SH3GL2: variants seen among roughly 807,000 people sequenced by gnomAD.
SH3GL2 encodes SH3 domain containing GRB2 like 2, endophilin A1.
Under a neutral mutation model 46.0 loss-of-function variants are expected in SH3GL2, and 24 were observed. The observed-to-expected ratio is 0.52, with a 90% CI of 0.38 to 0.73. The LOEUF (loss-of-function observed/expected upper bound fraction) is 0.73, where lower values mean the gene tolerates loss of function less well. Among genes scored for constraint, SH3GL2 ranks in the 30% least tolerant of loss-of-function variants. SH3GL2 has a pLI of 0.00. For synonymous variants in SH3GL2, 196 were observed against 147.1 expected (o/e 1.33, Z -2.40); for missense variants, 413 against 424.2 (o/e 0.97, Z 0.23).
intron 1 of SH3GL2, among the ~76,000 whole-genome samples, chr9:17,670,889 G>A (rs376499087): frequency 2.0e-4 from 30 of 152,286 alleles, no homozygotes; most frequent in African/African-American, 6.0e-4. Flanking sequence ...CAGATTGCTA[G>A]GCCTTGCCCC....
chr9:17,588,143 T>A (rs1300814544), intron 1 of SH3GL2, among the ~76,000 whole-genome samples: 1 of 152,190 alleles, frequency 6.6e-6, no homozygotes, highest in African/African-American at 2.4e-5. Flanking sequence ...CTTCAGGGAC[T>A]CAGGATGACC....
At chr9:17,704,899 C>G (rs535426823) in intron 1 of SH3GL2, among the ~76,000 whole-genome samples, 100 of 152,024 alleles carry the variant, frequency 6.6e-4, no homozygotes, top group African/African-American at 2.2e-3. Flanking sequence ...ACGAAAATGC[C>G]AAAAGTAATT....
intron 1 of SH3GL2, among the ~76,000 whole-genome samples, chr9:17,685,956 C>A (rs1187029804): frequency 3.4e-5 from 5 of 148,932 alleles, no homozygotes; most frequent in African/African-American, 5.0e-5. Context: ...TCTAATTAAA[C>A]TAAAGAGCTT....
chr9:17,579,174 G>T lies in SH3GL2; in HGVS notation c.-69G>T. ...GGCGGCCAGGGGAGCGCGCCGCCCC[G>T]CTCGGCCCTCCAGTCCCCCTCCGCC... is the stretch of plus-strand genomic sequence containing the variant. On this transcript the variant is annotated 5_prime_UTR_variant, in exon 1 of 9. Coordinates refer to ENST00000380607, the MANE Select transcript of SH3GL2 (RefSeq NM_003026.5). 8.3e-7 allele frequency: 1 copy of T among 1,205,664 alleles called. No individual in the cohort carries two copies. Among genetic ancestry groups the T allele is most frequent in the Non-Finnish European group, 1.1e-6 (1 of 876,534 alleles). 74.7% of individuals were successfully genotyped at this position (1,205,664 alleles called of 1,614,324 possible).
rs564037355 is a variant in SH3GL2 at position 17,754,160 on chromosome 9, A to G, written c.114+7026A>G. Among the ~76,000 whole-genome samples the G allele has an allele frequency of 4.0e-4, 61 of 152,244 alleles. No individual in the cohort carries two copies. The South Asian group carries it at 0.012, about 31-fold the overall frequency. On this transcript the variant is annotated intron_variant, in intron 2 of 8. Coordinates refer to ENST00000380607, the MANE Select transcript of SH3GL2 (RefSeq NM_003026.5). ...TTGCATAGGATTGCCTTGGCTATTC[A>G]GGCTCTTTTCTGTTTCCATATGAAT...
chr9:17,625,659 A>C (rs533862253), intron 1 of SH3GL2, among the ~76,000 whole-genome samples: 1 of 152,340 alleles, frequency 6.6e-6, no homozygotes, highest in East Asian at 1.9e-4. Context: ...TCAACTTGGC[A>C]CTTCTGCCTC....
chr9:17,628,712 A>G (rs116658327), intron 1 of SH3GL2, among the ~76,000 whole-genome samples: 3,134 of 152,044 alleles, frequency 0.021, 112 homozygotes, highest in African/African-American at 0.071. Context: ...AGTTCTGGGT[A>G]GATTTTTTTC....
At chr9:17,661,286 C>T (rs1820206602) in intron 1 of SH3GL2, among the ~76,000 whole-genome samples, 2 of 152,082 alleles carry the variant, frequency 1.3e-5, no homozygotes, top group South Asian at 4.1e-4. Flanking sequence ...CTATGGGGGG[C>T]AGGGATATCA....
intron 1 of SH3GL2, among the ~76,000 whole-genome samples, chr9:17,667,194 T>C (rs988982429): frequency 3.9e-5 from 6 of 152,190 alleles, no homozygotes; most frequent in African/African-American, 1.4e-4. Flanking sequence ...GCTTGTCGTG[T>C]ATTCTTTTTT....
intron 1 of SH3GL2, among the ~76,000 whole-genome samples, chr9:17,681,669 A>G (rs1202680797): frequency 1.3e-5 from 2 of 152,224 alleles, no homozygotes; most frequent in African/African-American, 4.8e-5. Context: ...AAAAATGCCA[A>G]AAGCAGTTGC....
chr9:17,792,875 C>T (rs1319415356), intron 7 of SH3GL2, among the ~76,000 whole-genome samples: 1 of 152,136 alleles, frequency 6.6e-6, no homozygotes, highest in Non-Finnish European at 1.5e-5. Context: ...TTCTGTCTCC[C>T]TTACAGACCA....
At chr9:17,691,642 C>A (rs1821081577) in intron 1 of SH3GL2, among the ~76,000 whole-genome samples, 1 of 152,054 alleles carries the variant, frequency 6.6e-6, no homozygotes, top group Non-Finnish European at 1.5e-5. Context: ...AATTGAGTTG[C>A]TTTCTTCTAG....
chr9:17,793,547 T>C (rs749411611), intron 8 of SH3GL2, 50 bp downstream of exon 8: 10 of 1,581,018 alleles, frequency 6.3e-6, no homozygotes, highest in Middle Eastern at 3.3e-4. Context: ...GCATATCCAT[T>C]GGCACTCTTC....
chr9:17,740,076 T>A (rs1321554481), intron 1 of SH3GL2, among the ~76,000 whole-genome samples: 1 of 152,138 alleles, frequency 6.6e-6, no homozygotes, highest in African/African-American at 2.4e-5. Flanking sequence ...GGGAACATCA[T>A]TGTTTTTTAT....
At chr9:17,579,567 C>G (rs1020105287) in intron 1 of SH3GL2, among the ~76,000 whole-genome samples, 8 of 152,278 alleles carry the variant, frequency 5.3e-5, no homozygotes, top group African/African-American at 1.4e-4. Flanking sequence ...ATCTCGCGCC[C>G]GTGCTGCAGG....
intron 1 of SH3GL2, among the ~76,000 whole-genome samples, chr9:17,734,216 T>G (rs985284357): frequency 6.6e-6 from 1 of 152,244 alleles, no homozygotes; most frequent in East Asian, 1.9e-4. Flanking sequence ...TTTACCTGGA[T>G]TTTTGGAAAG....
At chr9:17,593,717 C>T (rs1157859007) in intron 1 of SH3GL2, among the ~76,000 whole-genome samples, 1 of 152,166 alleles carries the variant, frequency 6.6e-6, no homozygotes, top group Non-Finnish European at 1.5e-5. Flanking sequence ...TAGAGCAGCA[C>T]TGAGTCATCT....
intron 1 of SH3GL2, among the ~76,000 whole-genome samples, chr9:17,677,377 A>G (rs889268836): frequency 6.6e-5 from 10 of 152,240 alleles, no homozygotes; most frequent in African/African-American, 2.4e-4. Flanking sequence ...GGATGGCTCA[A>G]TATTAATTTT....
intron 3 of SH3GL2, among the ~76,000 whole-genome samples, chr9:17,769,883 T>C (rs929374727): frequency 9.2e-5 from 14 of 152,174 alleles, no homozygotes; most frequent in African/African-American, 3.4e-4. Flanking sequence ...ATGCTGTTCA[T>C]CTCTTCCAGT....
Sources: allele counts gnomAD v4.1 joint callset (sites outside exome capture counted in the v4.1 genomes callset), GRCh38; gene constraint gnomAD v4.1.1; transcripts MANE v1.5; gene names NCBI Gene and HGNC (gene_info 2026-07-23, HGNC 2026-07-21).